PHACTR3: variants seen among roughly 807,000 people sequenced by gnomAD.
PHACTR3 encodes the protein protein phosphatase 1, regulatory subunit 123.
In PHACTR3, 16 loss-of-function variants were observed where a neutral mutation model predicts 66.8. The ratio of observed to expected loss-of-function variants is 0.24; its 90% CI spans 0.16 to 0.36. The LOEUF is 0.36. Among genes scored for constraint, PHACTR3 ranks in the 10% least tolerant of loss-of-function variants. The pLI is 1.00. For missense variants in PHACTR3, 647 were observed against 719.9 expected (o/e 0.90, Z 1.16); for synonymous variants, 323 against 292.1 (o/e 1.11, Z -1.08).
chr20:59,694,858 C>T (rs1327716277), intron 1 of PHACTR3, among the ~76,000 whole-genome samples: 1 of 152,118 alleles, frequency 6.6e-6, no homozygotes, highest in East Asian at 1.9e-4. Context: ...AGTGCAGGTG[C>T]TCAGAGGGTC....
rs536362254 is a variant in PHACTR3 at position 59,825,780 on chromosome 20, A to C, written c.1329-10725A>C. ...GGCGCTGGGTGGGAATCAGCTTGGC[A>C]TGTGCTGTGGTCTGAATGTTTGTGT... On this transcript the variant is annotated intron_variant, in intron 8 of 12. Coordinates refer to ENST00000371015, the MANE Select transcript of PHACTR3 (RefSeq NM_080672.5). Among the ~76,000 whole-genome samples the C allele has an allele frequency of 2.6e-5, 4 of 152,252 alleles. No individual in the cohort carries two copies. In the East Asian group the frequency reaches 7.7e-4, roughly 29 times the overall value.
At chr20:59,747,290 C>T (rs565568459) in intron 2 of PHACTR3, among the ~76,000 whole-genome samples, 95 of 152,274 alleles carry the variant, frequency 6.2e-4, no homozygotes, top group African/African-American at 2.1e-3. Flanking sequence ...GTGGGAGAGC[C>T]GCACAGGAGA....
intron 1 of PHACTR3, among the ~76,000 whole-genome samples, chr20:59,597,786 T>A (rs2033365342): frequency 6.6e-6 from 1 of 152,196 alleles, no homozygotes; most frequent in Admixed American, 6.5e-5. Context: ...TCCTGTGTGT[T>A]GCTGCAGGGT....
intron 9 of PHACTR3, among the ~76,000 whole-genome samples, chr20:59,840,057 C>T (rs771831054): frequency 9.5e-4 from 144 of 150,808 alleles, no homozygotes; most frequent in African/African-American, 3.4e-3. Flanking sequence ...GGGAGAAAGA[C>T]AGACACAGAG....
intron 1 of PHACTR3, among the ~76,000 whole-genome samples, chr20:59,593,817 T>C (rs1055914780): frequency 2.0e-5 from 3 of 152,242 alleles, no homozygotes; most frequent in South Asian, 2.1e-4. Context: ...ACTATATTTA[T>C]GTGGATCAAT....
intron 4 of PHACTR3, among the ~76,000 whole-genome samples, chr20:59,761,493 A>G (rs1467200070): frequency 2.0e-5 from 3 of 152,170 alleles, no homozygotes; most frequent in Admixed American, 2.0e-4. Flanking sequence ...CTTGAACTCC[A>G]GAATGTCTTC....
rs879430506 is a variant in PHACTR3, at chr20:59,847,450, C to A, written c.*320C>A. ...GTTCTGCAGTGTAATGGAGGACGGG[C>A]AACGTGCATGTGCAGGCTCACCACT... is the stretch of plus-strand genomic sequence containing the variant. On this transcript the variant is annotated 3_prime_UTR_variant, in exon 13 of 13. Transcript: ENST00000371015. The A allele has an allele frequency of 2.9e-5, 7 of 243,218 alleles. No individual in the cohort carries two copies. Among genetic ancestry groups the A allele is most frequent in the Non-Finnish European group, 4.8e-5 (6 of 125,150 alleles). The allele number at this position is 243,218 out of a possible 1,614,324, so 15.1% of individuals were successfully genotyped here.
chr20:59,700,587 A>T (rs938515633), intron 1 of PHACTR3, among the ~76,000 whole-genome samples: 1 of 152,206 alleles, frequency 6.6e-6, no homozygotes, highest in Non-Finnish European at 1.5e-5. Context: ...GCTTAAAAAC[A>T]TCATTTTTGG....
chr20:59,704,336 AT>A (rs2037617331), intron 1 of PHACTR3, among the ~76,000 whole-genome samples: 1 of 152,112 alleles, frequency 6.6e-6, no homozygotes, highest in African/African-American at 2.4e-5. Context: ...GTTAGGTCAA[AT>A]TTAGTATTTT....
intron 7 of PHACTR3, among the ~76,000 whole-genome samples, chr20:59,791,299 G>A (rs2041087139): frequency 1.3e-5 from 2 of 152,128 alleles, no homozygotes; most frequent in Admixed American, 6.5e-5. Flanking sequence ...CTGGTACCTT[G>A]CTGTTGGACT....
intron 1 of PHACTR3, among the ~76,000 whole-genome samples, chr20:59,647,790 C>T (rs2035334560): frequency 6.6e-6 from 1 of 152,188 alleles, no homozygotes; most frequent in South Asian, 2.1e-4. Flanking sequence ...GGATTCAGGT[C>T]CCAGTCCCAC....
chr20:59,677,808 A>T (rs1387190279), intron 1 of PHACTR3, among the ~76,000 whole-genome samples: 1 of 152,200 alleles, frequency 6.6e-6, no homozygotes, highest in Non-Finnish European at 1.5e-5. Context: ...GTAACCACAT[A>T]CACAATCGAA....
chr20:59,842,456 G>A (rs1223694846), intron 11 of PHACTR3, among the ~76,000 whole-genome samples: 1 of 152,164 alleles, frequency 6.6e-6, no homozygotes, highest in Non-Finnish European at 1.5e-5. Flanking sequence ...GAGGATCACA[G>A]TGATGCGAGG....
chr20:59,760,220 C>T (rs950276620), intron 4 of PHACTR3, among the ~76,000 whole-genome samples: 4 of 152,194 alleles, frequency 2.6e-5, no homozygotes, highest in African/African-American at 9.7e-5. Context: ...TTGCAAATCT[C>T]TCAGGAGGAG....
At chr20:59,769,207 C>T (rs1442562163) in intron 5 of PHACTR3, among the ~76,000 whole-genome samples, 1 of 152,258 alleles carries the variant, frequency 6.6e-6, no homozygotes, top group African/African-American at 2.4e-5. Flanking sequence ...CAGCATTTAC[C>T]ACATTGCCCC....
At chr20:59,798,507 A>T (rs1359058528) in intron 7 of PHACTR3, among the ~76,000 whole-genome samples, 2 of 152,290 alleles carry the variant, frequency 1.3e-5, no homozygotes, top group East Asian at 3.9e-4. Flanking sequence ...GTGCATGAAG[A>T]TTTTTAATTA....
At chr20:59,683,993 C>T (rs184647650) in intron 1 of PHACTR3, among the ~76,000 whole-genome samples, 10 of 152,250 alleles carry the variant, frequency 6.6e-5, no homozygotes, top group South Asian at 2.1e-4. Context: ...TTTGCAAGAA[C>T]GCAGAGAGGG....
At chr20:59,605,162 G>GGGC in intron 1 of PHACTR3, 30 bp downstream of exon 1, 7 of 923,110 alleles carry the variant, frequency 7.6e-6, no homozygotes, top group Non-Finnish European at 1.0e-5. Context: ...CGGCGGGCGG[G>GGGC]TCGGGGAGGC....
At position 59,826,144 on chromosome 20, in the gene PHACTR3, G is replaced by A. The variant is rs1056488026; in HGVS notation, c.1329-10361G>A. Among the ~76,000 whole-genome samples, 6 of 151,806 alleles carry A rather than the reference G, an allele frequency of 4.0e-5. No homozygotes were observed. The South Asian group carries it at 1.3e-3, about 32-fold the overall frequency. On this transcript the variant is annotated intron_variant, in intron 8 of 12. Transcript: ENST00000371015. ...CGCGCTGGGCAAGGGCAGCTCAGCAGGTCAGCATGACCAAAGGAGGACAAG... is the reference window on the plus strand; with the variant it reads ...CGCGCTGGGCAAGGGCAGCTCAGCAAGTCAGCATGACCAAAGGAGGACAAG...
Sources: gnomAD v4.1 joint callset for allele counts (sites outside exome capture counted in the v4.1 genomes callset) on GRCh38, gnomAD v4.1.1 for gene constraint, MANE v1.5 for transcripts, NCBI Gene and HGNC (gene_info 2026-07-23, HGNC 2026-07-21) for gene names.